Variants in MKLN1 observed in about 807,000 individuals in gnomAD.
MKLN1 encodes the protein muskelin.
Under a neutral mutation model 99.0 loss-of-function variants are expected in MKLN1, and 18 were observed. The ratio of observed to expected loss-of-function variants is 0.18; its 90% CI spans 0.13 to 0.27. The LOEUF is 0.27. Ranked by LOEUF, MKLN1 falls within the 10% of genes least tolerant of loss-of-function variation. The pLI is 1.00. For missense variants in MKLN1, 621 were observed against 875.9 expected (o/e 0.71, Z 3.67); for synonymous variants, 288 against 293.2 (o/e 0.98, Z 0.18).
Position 131,393,138 on chromosome 7 carries a change from T to C in MKLN1, c.401-4129T>C, listed in dbSNP as rs919678547. Among the ~76,000 whole-genome samples the C allele has an allele frequency of 3.3e-5, 5 of 152,184 alleles. No homozygotes were observed. The East Asian group carries it at 9.6e-4, about 29-fold the overall frequency. ...AAAAAAGGTGACACAGGGATGTTGA[T>C]TATATTCATGTCTGATTGTCCAATG... On this transcript the variant is annotated intron_variant, in intron 4 of 17. Transcript: ENST00000352689.
intron 8 of MKLN1, among the ~76,000 whole-genome samples, chr7:131,416,979 C>CAAAAA (rs374145180): frequency 6.1e-5 from 3 of 49,512 alleles, no homozygotes; most frequent in African/African-American, 6.3e-5. Context: ...GCAACCCTGT[C>CAAAAA]AAAAAAAAAA....
At chr7:131,463,513 C>T (rs1317347732) in intron 13 of MKLN1, 149 bp downstream of exon 13, 5 of 765,290 alleles carry the variant, frequency 6.5e-6, no homozygotes, top group Non-Finnish European at 1.1e-5. Flanking sequence ...AATATCGGTA[C>T]CTATGTATAC....
At chr7:131,199,799 T>G (rs1248639013) in intron 2 of MKLN1, among the ~76,000 whole-genome samples, 2 of 152,132 alleles carry the variant, frequency 1.3e-5, no homozygotes, top group African/African-American at 2.4e-5. Context: ...GTTCAAGTGA[T>G]TCTCGTGTCT....
chr7:131,183,839 G>T lies in MKLN1; in HGVS notation c.-296-19018G>T, dbSNP rs568487847. On this transcript the variant is annotated intron_variant, in intron 2 of 7. Transcript: ENST00000416992. The stretch of plus-strand genomic sequence containing the variant: ...TGGTTGCTTCTAAGAGCCAATTCTT[G>T]AATCTTTGAATTCTTTTTAGCCTCT... Among the ~76,000 whole-genome samples the T allele has an allele frequency of 2.0e-5, 3 of 152,164 alleles. No homozygotes were observed. In the East Asian group the frequency reaches 5.8e-4, roughly 29 times the overall value.
At position 131,245,361 on chromosome 7, in the gene MKLN1, A is replaced by C. The variant is rs933703637; in HGVS notation, c.-179+42387A>C. On this transcript the variant is annotated intron_variant, in intron 3 of 7. Transcript: ENST00000416992. ...CGGCTCACTGCAACCTCTGTCTCCTAGGTTCAAGCAATTCTCCTACCTCAG... is the reference window on the plus strand; with the variant it reads ...CGGCTCACTGCAACCTCTGTCTCCTCGGTTCAAGCAATTCTCCTACCTCAG... Among the ~76,000 whole-genome samples, 6 of 146,910 alleles carry C rather than the reference A, an allele frequency of 4.1e-5. No homozygotes were observed. The Admixed American group carries it at 4.2e-4, about 10-fold the overall frequency.
chr7:131,194,361 T>G (rs1169338291), intron 2 of MKLN1, among the ~76,000 whole-genome samples: 1 of 152,218 alleles, frequency 6.6e-6, no homozygotes, highest in African/African-American at 2.4e-5. Context: ...GGGTATTTCC[T>G]ATGAATGGAC....
At chr7:131,468,709 G>GC (rs1011042369) in intron 15 of MKLN1, among the ~76,000 whole-genome samples, 4 of 152,268 alleles carry the variant, frequency 2.6e-5, no homozygotes, top group Admixed American at 2.0e-4. Context: ...TAGGAACAGG[G>GC]CAGAACTGTT....
intron 15 of MKLN1, 40 bp downstream of exon 15, chr7:131,466,455 T>G: frequency 1.4e-6 from 2 of 1,442,276 alleles, no homozygotes; most frequent in Non-Finnish European, 1.9e-6. Context: ...ATTAACATTA[T>G]CAGCTATATT....
chr7:131,474,655 G>T (rs188722851), intron 16 of MKLN1, among the ~76,000 whole-genome samples: 15 of 152,254 alleles, frequency 9.9e-5, no homozygotes. Flanking sequence ...TAGGAAATAA[G>T]AAATTCATGA....
intron 3 of MKLN1, among the ~76,000 whole-genome samples, chr7:131,217,770 C>A (rs1002943169): frequency 6.6e-6 from 1 of 152,144 alleles, no homozygotes; most frequent in Non-Finnish European, 1.5e-5. Flanking sequence ...AATACTTGTA[C>A]CCCTGTGTTC....
rs946745970 is a variant in MKLN1, at chr7:131,196,379, A to G, written c.-296-6478A>G. On this transcript the variant is annotated intron_variant, in intron 2 of 7. Coordinates refer to the MKLN1 transcript ENST00000416992. ...TTTTATGTCTTTCTTCAGAACGTCAATCAAGTGGGCATTCATCAAAGCGAA... is the reference window on the plus strand; with the variant it reads ...TTTTATGTCTTTCTTCAGAACGTCAGTCAAGTGGGCATTCATCAAAGCGAA... 5.3e-5 allele frequency among the ~76,000 whole-genome samples: 8 copies of G among 152,248 alleles called. No individual in the cohort carries two copies. The South Asian group carries it at 1.4e-3, about 28-fold the overall frequency.
chr7:131,148,554 C>T (rs777317070), intron 2 of MKLN1, among the ~76,000 whole-genome samples: 7 of 152,070 alleles, frequency 4.6e-5, no homozygotes, highest in Non-Finnish European at 1.0e-4. Flanking sequence ...GTGGGAGGAT[C>T]ACTTGAGCCC....
At chr7:131,350,514 G>T (rs777743455) in intron 1 of MKLN1, among the ~76,000 whole-genome samples, 1 of 152,218 alleles carries the variant, frequency 6.6e-6, no homozygotes, top group Non-Finnish European at 1.5e-5. Context: ...GTTGGCTGGG[G>T]CTGTGGTTTC....
chr7:131,263,152 T>C (rs1797757682), intron 3 of MKLN1, among the ~76,000 whole-genome samples: 1 of 152,070 alleles, frequency 6.6e-6, no homozygotes, highest in Non-Finnish European at 1.5e-5. Flanking sequence ...TGTCTGGTTG[T>C]CCTGGTATTG....
At chr7:131,464,496 T>C in intron 14 of MKLN1, 88 bp downstream of exon 14, 1 of 736,412 alleles carries the variant, frequency 1.4e-6, no homozygotes, top group Non-Finnish European at 2.2e-6. Flanking sequence ...TTAAATTGGA[T>C]TTGAGTAAAA....
At chr7:131,474,263 C>T (rs989418755) in intron 16 of MKLN1, among the ~76,000 whole-genome samples, 5 of 152,204 alleles carry the variant, frequency 3.3e-5, no homozygotes, top group African/African-American at 4.8e-5. Flanking sequence ...TTGAAAGAAA[C>T]GACTCAAAGG....
Position 131,445,869 on chromosome 7 carries a change from A to G in MKLN1, c.1491A>G (p.Ile497Met). 6.2e-7 allele frequency: 1 copy of G among 1,604,810 alleles called. No homozygotes were observed. The highest frequency in any genetic ancestry group is 8.5e-7 in the Non-Finnish European group (1 of 1,174,172). Residue 497 changes from isoleucine (I) to methionine (M), a missense_variant, in exon 12 of 18, where the codon ATA (isoleucine) becomes ATG (methionine). Physicochemically the swap from Ile to Met is conservative, Grantham distance 10. This residue lies in a region of MKLN1 where 361 missense variants were observed against 540.8 expected (regional missense o/e 0.67). Transcript: ENST00000352689. ...ATGTGGACTCTGATCATGTAGACAT[A>G]ATATCAGATGGCACCAAGAAAGACT... ...SYDVDSDHVD[I>M]ISDGTKKDSG...
intron 2 of MKLN1, among the ~76,000 whole-genome samples, chr7:131,148,809 C>T (rs972460297): frequency 6.6e-6 from 1 of 152,120 alleles, no homozygotes; most frequent in Admixed American, 6.6e-5. Context: ...ATAGTTCAAT[C>T]TAATATTATT....
intron 3 of MKLN1, among the ~76,000 whole-genome samples, chr7:131,274,258 A>G (rs1797928704): frequency 2.0e-5 from 3 of 152,148 alleles, no homozygotes; most frequent in Non-Finnish European, 4.4e-5. Context: ...GAATTTTATA[A>G]TCATCTTACT....
Sources: gnomAD v4.1 joint callset for allele counts (sites outside exome capture counted in the v4.1 genomes callset) on GRCh38, gnomAD v4.1.1 for gene constraint, gnomAD v4.1.1 regional missense constraint, MANE v1.5 for transcripts, NCBI Gene and HGNC (gene_info 2026-07-23, HGNC 2026-07-21) for gene names.